ACAP2: variants seen among roughly 807,000 people sequenced by gnomAD.
The protein encoded by ACAP2 is arf-GAP with coiled-coil, ANK repeat and PH domain-containing protein 2.
Under a neutral mutation model 115.8 loss-of-function variants are expected in ACAP2, and 39 were observed. The observed-to-expected ratio is 0.34, with a 90% CI of 0.26 to 0.44. The LOEUF (loss-of-function observed/expected upper bound fraction) is 0.44, where lower values mean the gene tolerates loss of function less well. ACAP2 is among the 20% of genes least tolerant of loss of function. ACAP2 has a pLI of 1.00. For missense variants in ACAP2, 662 were observed against 927.6 expected (o/e 0.71, Z 3.72); for synonymous variants, 289 against 315.8 (o/e 0.92, Z 0.90).
At position 195,304,163 on chromosome 3, in the gene ACAP2, C is replaced by CAAAAAA. The variant is rs56055597; in HGVS notation, c.1117-1995_1117-1990dup. Among the ~76,000 whole-genome samples, 47 of 63,276 alleles carry CAAAAAA rather than the reference C, an allele frequency of 7.4e-4. 3 individuals carry two copies. The highest frequency in any genetic ancestry group is 1.0e-3 in the Non-Finnish European group (40 of 38,132). 41.5% of individuals were successfully genotyped at this position (63,276 alleles called of 152,430 possible). ...TGGGCAATGGAGTGAGACTCCATCT[C>CAAAAAA]AAAAAAAAAAAAAAAAAAAAAAAAA... On this transcript the variant is annotated intron_variant, in intron 13 of 22. Coordinates refer to ENST00000326793, the MANE Select transcript of ACAP2 (RefSeq NM_012287.6).
intron 4 of ACAP2, among the ~76,000 whole-genome samples, chr3:195,355,787 AT>A (rs1468450907): frequency 2.0e-5 from 3 of 152,222 alleles, no homozygotes; most frequent in Non-Finnish European, 4.4e-5. Flanking sequence ...AGAGAGCATT[AT>A]CCCCATTTCC....
At chr3:195,359,624 C>T (rs144415224) in intron 4 of ACAP2, among the ~76,000 whole-genome samples, 3,873 of 152,256 alleles carry the variant, frequency 0.025, 147 homozygotes, top group African/African-American at 0.084. Context: ...CCCGCCACCA[C>T]GCCCGGCTAA....
At chr3:195,414,902 A>G (rs1188324471) in intron 1 of ACAP2, among the ~76,000 whole-genome samples, 1 of 152,226 alleles carries the variant, frequency 6.6e-6, no homozygotes, top group Non-Finnish European at 1.5e-5. Context: ...ACTGTATTTC[A>G]ACAACATGAC....
chr3:195,335,193 C>G (rs562954049), intron 7 of ACAP2, among the ~76,000 whole-genome samples: 7 of 152,230 alleles, frequency 4.6e-5, no homozygotes, highest in Admixed American at 1.3e-4. Flanking sequence ...CTGTCTCTCT[C>G]ATTATAATAG....
At chr3:195,442,767 G>A (rs369190208) in intron 1 of ACAP2, 28 bp downstream of exon 1, 29 of 1,527,836 alleles carry the variant, frequency 1.9e-5, no homozygotes, top group African/African-American at 2.9e-5. Flanking sequence ...GCAGCTCCGC[G>A]GTGACGCCGG....
chr3:195,341,998 A>C (rs1730910407), intron 6 of ACAP2, among the ~76,000 whole-genome samples: 1 of 151,940 alleles, frequency 6.6e-6, no homozygotes, highest in Non-Finnish European at 1.5e-5. Context: ...GAAAGGGGGG[A>C]AGGTGGGAGG....
chr3:195,434,769 A>AT (rs1277430738), intron 1 of ACAP2, among the ~76,000 whole-genome samples: 3 of 151,974 alleles, frequency 2.0e-5, no homozygotes, highest in African/African-American at 7.3e-5. Flanking sequence ...TTAAATCTCT[A>AT]TTTTTTATAG....
At chr3:195,427,285 C>A (rs981566761) in intron 1 of ACAP2, among the ~76,000 whole-genome samples, 2 of 152,266 alleles carry the variant, frequency 1.3e-5, no homozygotes, top group East Asian at 3.9e-4. Flanking sequence ...TTATTTTAGC[C>A]CAGTGAGATC....
chr3:195,400,443 C>T (rs1712189465), intron 1 of ACAP2, among the ~76,000 whole-genome samples: 1 of 151,190 alleles, frequency 6.6e-6, no homozygotes, highest in Admixed American at 6.6e-5. Flanking sequence ...TGACAGAATA[C>T]TAATCCAAGG....
chr3:195,381,010 G>T lies in ACAP2; in HGVS notation c.284C>A (p.Thr95Lys). The T allele has an allele frequency of 6.3e-7, 1 of 1,595,932 alleles. No individual in the cohort carries two copies. The highest frequency in any genetic ancestry group is 1.1e-5 in the South Asian group (1 of 87,012). Residue 95 changes from threonine to lysine, a missense_variant and splice_region_variant, in exon 4 of 23, where the codon ACA (threonine) becomes AAA (lysine). Physicochemically the swap from Thr to Lys is moderately conservative, Grantham distance 78. Transcript: ENST00000326793. Reference protein sequence around the residue: ...DSLQEMINFHTILFDQTQRSI... With the variant: ...DSLQEMINFHKILFDQTQRSI... The stretch of plus-strand genomic sequence containing the variant: ...TAACACCTACTTACTGACACTTACT[G>T]TGTGAAAATTTATCATTTCTTGAAG...
intron 1 of ACAP2, among the ~76,000 whole-genome samples, chr3:195,430,865 G>A (rs761628004): frequency 4.6e-5 from 7 of 152,116 alleles, no homozygotes; most frequent in Non-Finnish European, 1.0e-4. Flanking sequence ...AATGTTCTAC[G>A]CTTCAAACCT....
chr3:195,304,224 A>C (rs2108974799), intron 13 of ACAP2, among the ~76,000 whole-genome samples: 1 of 151,054 alleles, frequency 6.6e-6, no homozygotes, highest in South Asian at 2.1e-4. Flanking sequence ...ATTATTCCGA[A>C]ATTTTAAGAA....
chr3:195,320,334 A>G (rs1164899040), intron 10 of ACAP2, among the ~76,000 whole-genome samples: 1 of 152,242 alleles, frequency 6.6e-6, no homozygotes, highest in Non-Finnish European at 1.5e-5. Context: ...TGTCCTATTC[A>G]TCTATCATAT....
At chr3:195,424,441 C>G (rs1714504458) in intron 1 of ACAP2, among the ~76,000 whole-genome samples, 3 of 150,666 alleles carry the variant, frequency 2.0e-5, no homozygotes, top group Admixed American at 6.6e-5. Context: ...ATTACAGGCG[C>G]CTGCCCACCA....
At chr3:195,299,289 G>A (rs138495998) in intron 15 of ACAP2, among the ~76,000 whole-genome samples, 4 of 152,274 alleles carry the variant, frequency 2.6e-5, no homozygotes, top group Non-Finnish European at 5.9e-5. Context: ...GGAAAAACTG[G>A]CTGCGTGTGG....
intron 1 of ACAP2, among the ~76,000 whole-genome samples, chr3:195,440,141 T>C (rs1203951887): frequency 6.6e-6 from 1 of 152,164 alleles, no homozygotes; most frequent in Non-Finnish European, 1.5e-5. Flanking sequence ...TTTTAGATTT[T>C]AGATGAACAA....
chr3:195,285,669 G>T, intron 22 of ACAP2, 127 bp downstream of exon 22: 1 of 741,832 alleles, frequency 1.3e-6, no homozygotes, highest in Non-Finnish European at 2.2e-6. Context: ...TTACAAGTGG[G>T]TTATAAAAAC....
At chr3:195,327,765 C>A (rs1577306634) in intron 8 of ACAP2, among the ~76,000 whole-genome samples, 1 of 151,822 alleles carries the variant, frequency 6.6e-6, no homozygotes, top group Non-Finnish European at 1.5e-5. Context: ...CCCCGTCTCT[C>A]CTAAAACTAC....
chr3:195,396,868 T>A (rs1577411775), intron 1 of ACAP2, among the ~76,000 whole-genome samples: 1 of 132,188 alleles, frequency 7.6e-6, no homozygotes, highest in African/African-American at 2.8e-5. Flanking sequence ...CCTTAAAAAC[T>A]AACAACCACC....
Sources: allele counts gnomAD v4.1 joint callset (sites outside exome capture counted in the v4.1 genomes callset), GRCh38; gene constraint gnomAD v4.1.1; transcripts MANE v1.5; gene names NCBI Gene and HGNC (gene_info 2026-07-23, HGNC 2026-07-21).